GLRA3: variants seen among roughly 807,000 people sequenced by gnomAD.
GLRA3 encodes the protein glycine receptor subunit alpha-3.
A neutral mutation model predicts 60.4 loss-of-function variants in GLRA3; 44 were observed. That is an observed-to-expected ratio of 0.73 (90% confidence interval 0.57 to 0.94). The LOEUF (loss-of-function observed/expected upper bound fraction) is 0.94, where lower values mean the gene tolerates loss of function less well. Among genes scored for constraint, GLRA3 ranks in the 40% least tolerant of loss-of-function variants. The pLI is 0.00. For synonymous variants in GLRA3, 223 were observed against 192.9 expected, an observed-to-expected ratio of 1.16 and a Z score of -1.29; for missense variants, 508 against 564.6, an observed-to-expected ratio of 0.90 and a Z score of 1.02.
At chr4:174,689,401 A>G (rs1397074197) in intron 5 of GLRA3, among the ~76,000 whole-genome samples, 4 of 152,210 alleles carry the variant, frequency 2.6e-5, no homozygotes, top group Non-Finnish European at 1.5e-5. Flanking sequence ...AGAGATGCGG[A>G]AAAAGCCTCT....
intron 1 of GLRA3, among the ~76,000 whole-genome samples, chr4:174,792,175 G>A (rs907887605): frequency 6.6e-6 from 1 of 152,150 alleles, no homozygotes; most frequent in Non-Finnish European, 1.5e-5. Context: ...AACCCTGGGT[G>A]TACTACTTTG....
intron 3 of GLRA3, among the ~76,000 whole-genome samples, chr4:174,737,319 T>A (rs6553813): frequency 0.29 from 44,238 of 152,088 alleles, 6,679 homozygotes; most frequent in African/African-American, 0.35. Flanking sequence ...CACAGTTTTA[T>A]TAAACTATTA....
At chr4:174,795,245 A>G (rs1054970233) in intron 1 of GLRA3, among the ~76,000 whole-genome samples, 7 of 152,214 alleles carry the variant, frequency 4.6e-5, no homozygotes, top group Middle Eastern at 3.4e-3. Flanking sequence ...CTTTAGAAAG[A>G]TGTGAAGTAT....
chr4:174,697,044 A>T (rs928330369), intron 5 of GLRA3, among the ~76,000 whole-genome samples: 7 of 152,140 alleles, frequency 4.6e-5, no homozygotes, highest in Non-Finnish European at 1.0e-4. Flanking sequence ...AAAATCATAA[A>T]ATCTTTGGTG....
intron 3 of GLRA3, among the ~76,000 whole-genome samples, chr4:174,761,118 G>GT (rs746684714): frequency 1.4e-4 from 21 of 151,616 alleles, no homozygotes; most frequent in Admixed American, 3.3e-4. Context: ...GATGGTGATA[G>GT]TTTTTTTTAG....
chr4:174,744,066 G>A (rs578259806), intron 3 of GLRA3, among the ~76,000 whole-genome samples: 1 of 152,270 alleles, frequency 6.6e-6, no homozygotes, highest in South Asian at 2.1e-4. Context: ...GGAAGGAGAG[G>A]GTTCTTCCCC....
chr4:174,788,874 C>T lies in GLRA3; in HGVS notation c.141G>A (p.Leu47=), dbSNP rs1318284772. 1 of 1,608,692 alleles carries T rather than the reference C, an allele frequency of 6.2e-7. No individual in the cohort carries two copies. The highest frequency in any genetic ancestry group is 8.5e-7 in the Non-Finnish European group (1 of 1,176,104). ...RSAPMSPSDF[L]DKLMGRTSGY... ...CTGATGTCCTGCCCATTAATTTATC[C>T]AGAAAATCAGAAGGTGACATTGGAG... The change falls in exon 2 of 10, where the codon CTG becomes CTA. Residue 47 remains leucine, a synonymous_variant. Transcript: ENST00000274093.
intron 5 of GLRA3, among the ~76,000 whole-genome samples, chr4:174,697,115 C>T (rs904256524): frequency 1.3e-5 from 2 of 152,026 alleles, no homozygotes; most frequent in African/African-American, 4.8e-5. Context: ...CTTTACACAA[C>T]GGGTAAATAT....
chr4:174,816,134 C>T (rs1740491151), intron 1 of GLRA3, among the ~76,000 whole-genome samples: 1 of 152,128 alleles, frequency 6.6e-6, no homozygotes, highest in Admixed American at 6.5e-5. Flanking sequence ...TAATAAGCTT[C>T]CTAAAGGTCC....
intron 9 of GLRA3, among the ~76,000 whole-genome samples, chr4:174,655,100 G>A (rs1227254456): frequency 6.6e-6 from 1 of 152,046 alleles, no homozygotes; most frequent in Non-Finnish European, 1.5e-5. Context: ...TATTTACTTT[G>A]CCTGTTCTGC....
At position 174,824,820 on chromosome 4, in the gene GLRA3, G is replaced by A. The variant is rs530562932; in HGVS notation, c.71+3921C>T. On this transcript the variant is annotated intron_variant, in intron 1 of 9. Coordinates refer to ENST00000274093, the MANE Select transcript of GLRA3 (RefSeq NM_006529.4). ...TTCTTTTGATGTTTGACCCTTTTCCGTTTATTCTAGACTCTAAGTTGCTAA... is the reference window on the plus strand; with the variant it reads ...TTCTTTTGATGTTTGACCCTTTTCCATTTATTCTAGACTCTAAGTTGCTAA... Among the ~76,000 whole-genome samples the A allele has an allele frequency of 1.1e-4, 16 of 151,936 alleles. No homozygotes were observed. In the South Asian group the frequency reaches 1.5e-3, roughly 14 times the overall value.
chr4:174,727,055 A>T (rs528367938), intron 4 of GLRA3, among the ~76,000 whole-genome samples: 1 of 152,290 alleles, frequency 6.6e-6, no homozygotes, highest in East Asian at 1.9e-4. Flanking sequence ...CAGAATTCTG[A>T]TGAAAGGGTC....
intron 3 of GLRA3, among the ~76,000 whole-genome samples, chr4:174,754,644 C>T (rs1444731928): frequency 6.6e-6 from 1 of 151,998 alleles, no homozygotes; most frequent in Non-Finnish European, 1.5e-5. Context: ...AAGAATTTAA[C>T]CCATTGGCAT....
intron 9 of GLRA3, among the ~76,000 whole-genome samples, chr4:174,645,073 A>G (rs1579379269): frequency 6.6e-6 from 1 of 152,182 alleles, no homozygotes; most frequent in East Asian, 1.9e-4. Context: ...TCCTATGATA[A>G]TGCTTTTTCA....
intron 5 of GLRA3, among the ~76,000 whole-genome samples, chr4:174,709,967 C>CT (rs5864286): frequency 0.055 from 7,809 of 142,040 alleles, 225 homozygotes; most frequent in Middle Eastern, 0.094. Flanking sequence ...TGTTGATTTT[C>CT]TTTTTTTTTT....
chr4:174,727,815 C>A (rs764660356), intron 4 of GLRA3, among the ~76,000 whole-genome samples: 4 of 151,864 alleles, frequency 2.6e-5, no homozygotes, highest in Non-Finnish European at 5.9e-5. Context: ...TAATGCTATA[C>A]ACTTTTCTGA....
At chr4:174,767,130 AC>A in intron 2 of GLRA3, 100 bp from the exon 3 acceptor site, 11 of 535,332 alleles carry the variant, frequency 2.1e-5, no homozygotes, top group Admixed American at 3.0e-5. Flanking sequence ...TTTTACACAC[AC>A]ACACACACAC....
At chr4:174,774,378 G>A (rs539403283) in intron 2 of GLRA3, among the ~76,000 whole-genome samples, 2 of 151,956 alleles carry the variant, frequency 1.3e-5, no homozygotes, top group South Asian at 4.2e-4. Flanking sequence ...GTGTGTGTGT[G>A]TATGTGTGTG....
intron 2 of GLRA3, among the ~76,000 whole-genome samples, chr4:174,778,506 C>A (rs1398303866): frequency 6.6e-6 from 1 of 152,140 alleles, no homozygotes; most frequent in Admixed American, 6.5e-5. Flanking sequence ...CTCCTGTCTA[C>A]AGCTCCCAGC....
Sources: allele counts gnomAD v4.1 joint callset (sites outside exome capture counted in the v4.1 genomes callset), GRCh38; gene constraint gnomAD v4.1.1; transcripts MANE v1.5; gene names NCBI Gene and HGNC (gene_info 2026-07-23, HGNC 2026-07-21).